Variants in SGCZ observed in about 807,000 individuals in gnomAD.
SGCZ encodes the protein zeta-sarcoglycan.
In SGCZ, 40 loss-of-function variants were observed where a neutral mutation model predicts 41.3. The ratio of observed to expected loss-of-function variants is 0.97; its 90% CI spans 0.75 to 1.26. The LOEUF (loss-of-function observed/expected upper bound fraction) is 1.26, where lower values mean the gene tolerates loss of function less well. Among genes scored for constraint, SGCZ ranks in the 50% most tolerant of loss-of-function variants. The pLI, the probability that SGCZ is intolerant of heterozygous loss-of-function variation, is 0.00. For missense variants in SGCZ, 552 were observed against 369.8 expected, an observed-to-expected ratio of 1.49 and a Z score of -4.04; for synonymous variants, 206 against 137.5, an observed-to-expected ratio of 1.50 and a Z score of -3.49.
intron 1 of SGCZ, among the ~76,000 whole-genome samples, chr8:15,235,333 G>A (rs1378498113): frequency 6.6e-6 from 1 of 152,180 alleles, no homozygotes; most frequent in Non-Finnish European, 1.5e-5. Context: ...AAAACTGGAG[G>A]ATCTCAAACA....
chr8:15,231,584 A>G (rs1294831807), intron 1 of SGCZ, among the ~76,000 whole-genome samples: 1 of 151,480 alleles, frequency 6.6e-6, no homozygotes, highest in Non-Finnish European at 1.5e-5. Flanking sequence ...TTTGAGTAAA[A>G]TAAAAACTTT....
At chr8:14,982,558 C>A (rs1585435728) in intron 1 of SGCZ, among the ~76,000 whole-genome samples, 1 of 152,170 alleles carries the variant, frequency 6.6e-6, no homozygotes, top group East Asian at 1.9e-4. Flanking sequence ...TATTCACTGT[C>A]TTCTACCTCC....
chr8:14,140,107 C>T (rs1439820484), intron 5 of SGCZ, among the ~76,000 whole-genome samples: 10 of 152,094 alleles, frequency 6.6e-5, no homozygotes, highest in East Asian at 1.9e-4. Context: ...AAAATACCTT[C>T]GACAAAATTC....
At chr8:14,986,724 C>T (rs918121946) in intron 1 of SGCZ, among the ~76,000 whole-genome samples, 4 of 152,004 alleles carry the variant, frequency 2.6e-5, no homozygotes, top group African/African-American at 9.7e-5. Flanking sequence ...GCAAGATTAT[C>T]TCTCCTGACC....
intron 1 of SGCZ, among the ~76,000 whole-genome samples, chr8:14,697,100 AC>A (rs1808989888): frequency 1.3e-5 from 2 of 151,982 alleles, no homozygotes; most frequent in Non-Finnish European, 2.9e-5. Context: ...CCAGAAAAAC[AC>A]CCCCATCCCA....
chr8:14,133,783 G>A (rs1803113599), intron 5 of SGCZ, among the ~76,000 whole-genome samples: 1 of 152,174 alleles, frequency 6.6e-6, no homozygotes. Context: ...GAGGATGAAA[G>A]CTTGGAGCTG....
chr8:15,045,242 A>G (rs1804259719), intron 1 of SGCZ, among the ~76,000 whole-genome samples: 1 of 152,100 alleles, frequency 6.6e-6, no homozygotes, highest in African/African-American at 2.4e-5. Flanking sequence ...AAGAGACATG[A>G]TAAAATTCAG....
chr8:14,540,116 C>G, intron 2 of SGCZ, among the ~76,000 whole-genome samples: 1 of 151,446 alleles, frequency 6.6e-6, no homozygotes, highest in East Asian at 1.9e-4. Context: ...CAGAGAAGGT[C>G]CTTTGTGTAT....
intron 1 of SGCZ, among the ~76,000 whole-genome samples, chr8:14,691,057 T>A (rs1214738944): frequency 6.6e-6 from 1 of 152,218 alleles, no homozygotes; most frequent in African/African-American, 2.4e-5. Flanking sequence ...AGTCCTACTA[T>A]ATGTATCACT....
intron 1 of SGCZ, among the ~76,000 whole-genome samples, chr8:14,736,523 T>C (rs2175283): frequency 0.38 from 57,764 of 151,578 alleles, 12,951 homozygotes; most frequent in Non-Finnish European, 0.51. Context: ...TGGTATTTGG[T>C]TACATGAGTA....
chr8:14,232,513 A>G (rs1342434527), intron 4 of SGCZ, among the ~76,000 whole-genome samples: 1 of 152,130 alleles, frequency 6.6e-6, no homozygotes, highest in East Asian at 1.9e-4. Flanking sequence ...TTCAAGAATT[A>G]CTGAGGAAAA....
intron 1 of SGCZ, among the ~76,000 whole-genome samples, chr8:14,919,802 C>T (rs1799538982): frequency 6.6e-6 from 1 of 151,944 alleles, no homozygotes; most frequent in Non-Finnish European, 1.5e-5. Flanking sequence ...CTTGTAATCC[C>T]AGCTACTCGG....
chr8:14,577,476 C>T (rs1057097794), intron 1 of SGCZ, among the ~76,000 whole-genome samples: 5 of 148,688 alleles, frequency 3.4e-5, no homozygotes, highest in African/African-American at 1.3e-4. Context: ...GCAACCTCTG[C>T]CTCCCAGATT....
At chr8:14,333,638 A>T (rs1449673500) in intron 2 of SGCZ, among the ~76,000 whole-genome samples, 8 of 152,142 alleles carry the variant, frequency 5.3e-5, no homozygotes, top group Non-Finnish European at 1.2e-4. Flanking sequence ...CAGTAGAGAA[A>T]CACACTGTGT....
chr8:14,775,457 TTGAGTGTG>T (rs1281729949), intron 1 of SGCZ, among the ~76,000 whole-genome samples: 2 of 87,764 alleles, frequency 2.3e-5, no homozygotes, highest in Non-Finnish European at 4.5e-5. Context: ...AGTAGAATAT[TTGAGTGTG>T]TGTGTGTGTG....
At chr8:14,316,748 G>A (rs577616332) in intron 3 of SGCZ, among the ~76,000 whole-genome samples, 3 of 150,882 alleles carry the variant, frequency 2.0e-5, no homozygotes, top group South Asian at 2.1e-4. Flanking sequence ...TCATTCCACG[G>A]AAATCTTATA....
chr8:14,231,408 T>G (rs1012814119), intron 4 of SGCZ, among the ~76,000 whole-genome samples: 3 of 152,008 alleles, frequency 2.0e-5, no homozygotes, highest in African/African-American at 7.2e-5. Flanking sequence ...TGAGGTCATG[T>G]TATTTCAGAA....
intron 1 of SGCZ, among the ~76,000 whole-genome samples, chr8:14,602,999 G>A (rs1005859696): frequency 6.6e-6 from 1 of 152,100 alleles, no homozygotes; most frequent in East Asian, 1.9e-4. Context: ...GGGAAAAAAA[G>A]CCATGCTTAA....
At chr8:14,118,115 G>C (rs987267989) in intron 5 of SGCZ, among the ~76,000 whole-genome samples, 3 of 151,930 alleles carry the variant, frequency 2.0e-5, no homozygotes, top group African/African-American at 7.3e-5. Context: ...GGGATTTCTA[G>C]GTCAAATGGT....
Sources: allele counts gnomAD v4.1 joint callset (sites outside exome capture counted in the v4.1 genomes callset), GRCh38; gene constraint gnomAD v4.1.1; transcripts MANE v1.5; gene names NCBI Gene and HGNC (gene_info 2026-07-23, HGNC 2026-07-21).